The following UBXN4 variants were observed in gnomAD, a reference collection of about 807,000 sequenced individuals.
UBXN4 encodes the protein UBX domain-containing protein 4.
In UBXN4, 35 loss-of-function variants were observed where a neutral mutation model predicts 66.2. The ratio of observed to expected loss-of-function variants is 0.53; its 90% CI spans 0.40 to 0.70. UBXN4 has a LOEUF of 0.70. UBXN4 is among the 30% of genes least tolerant of loss of function. The pLI is 0.00. For missense variants in UBXN4, 533 were observed against 599.8 expected (o/e 0.89, Z 1.16); for synonymous variants, 203 against 204.5 (o/e 0.99, Z 0.06).
chr2:135,775,849 C>G (rs2077411508), intron 9 of UBXN4, among the ~76,000 whole-genome samples: 1 of 152,190 alleles, frequency 6.6e-6, no homozygotes, highest in Non-Finnish European at 1.5e-5. Flanking sequence ...TTACTGCAAC[C>G]TACACCTCCC....
At chr2:135,769,250 C>T (rs2077367585) in intron 6 of UBXN4, among the ~76,000 whole-genome samples, 1 of 152,168 alleles carries the variant, frequency 6.6e-6, no homozygotes, top group African/African-American at 2.4e-5. Flanking sequence ...AACCTCAGCC[C>T]TCCCAAAGTG....
At chr2:135,775,821 C>T (rs1313426766) in intron 9 of UBXN4, among the ~76,000 whole-genome samples, 6 of 152,168 alleles carry the variant, frequency 3.9e-5, no homozygotes, top group East Asian at 1.9e-4. Context: ...GGCTGGAGTG[C>T]GGTGGCATGA....
chr2:135,781,672 A>G (rs1488783493), intron 12 of UBXN4, among the ~76,000 whole-genome samples: 1 of 152,230 alleles, frequency 6.6e-6, no homozygotes, highest in Non-Finnish European at 1.5e-5. Context: ...GTGAGGACAG[A>G]GGGAAGCTCA....
intron 12 of UBXN4, among the ~76,000 whole-genome samples, chr2:135,781,518 C>G (rs2077448846): frequency 2.0e-5 from 3 of 152,122 alleles, no homozygotes; most frequent in Non-Finnish European, 4.4e-5. Flanking sequence ...TTTCTCTGCC[C>G]TCAGTATGGA....
chr2:135,783,929 G>T lies in UBXN4; in HGVS notation c.*1042G>T, dbSNP rs2077468746. Reference sequence around the variant, plus strand: ...GTTTGAAAACAGTTCCTCTGTTTTAGATTGGAAGATAGCACTCTAGAGTGG... The same window carrying T: ...GTTTGAAAACAGTTCCTCTGTTTTATATTGGAAGATAGCACTCTAGAGTGG... On this transcript the variant is annotated 3_prime_UTR_variant, in exon 13 of 13. Coordinates refer to ENST00000272638, the MANE Select transcript of UBXN4 (RefSeq NM_014607.4). The T allele has an allele frequency of 1.3e-5, 2 of 152,310 alleles. No homozygotes were observed. The highest frequency in any genetic ancestry group is 4.2e-4 in the South Asian group (2 of 4,818). 9.4% of individuals were successfully genotyped at this position (152,310 alleles called of 1,614,324 possible). A position where few individuals can be genotyped will look rare whatever the true frequency, so the allele number is the denominator to read the frequency against.
Position 135,769,757 on chromosome 2 carries a change from T to C in UBXN4, c.603-12T>C. On this transcript the variant is annotated splice_polypyrimidine_tract_variant and intron_variant, in intron 6 of 12. Coordinates refer to ENST00000272638, the MANE Select transcript of UBXN4 (RefSeq NM_014607.4). ...GTCTCAATTAGTGGTGGTTTTTTTT[T>C]TTTTAATACAGACTAACAAAAAAAC... 1.3e-6 allele frequency: 2 copies of C among 1,561,488 alleles called. No homozygotes were observed. The highest frequency in any genetic ancestry group is 1.7e-6 in the Non-Finnish European group (2 of 1,160,910).
chr2:135,763,780 C>G (rs1162877201), intron 6 of UBXN4, among the ~76,000 whole-genome samples: 1 of 151,932 alleles, frequency 6.6e-6, no homozygotes, highest in African/African-American at 2.4e-5. Flanking sequence ...GAGCCATGAT[C>G]ACACCACTGT....
intron 6 of UBXN4, among the ~76,000 whole-genome samples, chr2:135,763,121 A>C (rs973903447): frequency 6.6e-6 from 1 of 152,252 alleles, no homozygotes; most frequent in African/African-American, 2.4e-5. Context: ...ATGCCAAATT[A>C]GGAATCTTGT....
intron 8 of UBXN4, among the ~76,000 whole-genome samples, chr2:135,772,049 G>A (rs749768609): frequency 2.6e-5 from 4 of 151,748 alleles, no homozygotes; most frequent in Non-Finnish European, 5.9e-5. Context: ...CAAAGGCACA[G>A]TGGCTCACAA....
At position 135,754,161 on chromosome 2, in the gene UBXN4, C is replaced by T; in HGVS notation, c.217C>T (p.Pro73Ser). 1 of 1,609,090 alleles carries T rather than the reference C, an allele frequency of 6.2e-7. No individual in the cohort carries two copies. The highest frequency in any genetic ancestry group is 8.5e-7 in the Non-Finnish European group (1 of 1,175,572). ...TTAGACTTCATTAAACTGTACAGAT[C>T]CTGTAGTGTGTGTTCCATCCAGTTT... ...EACLQFSQIY[P>S]VVCVPSSFFI... The change falls in exon 4 of 13, where the codon CCT becomes TCT. Residue 73 changes from proline (P) to serine (S), a missense_variant and splice_region_variant. This residue lies in a region of UBXN4 where 529 missense variants were observed against 580.1 expected (regional missense o/e 0.91). Coordinates refer to ENST00000272638, the MANE Select transcript of UBXN4 (RefSeq NM_014607.4).
chr2:135,749,097 CT>C (rs2077227253), intron 2 of UBXN4, among the ~76,000 whole-genome samples: 1 of 151,906 alleles, frequency 6.6e-6, no homozygotes, highest in African/African-American at 2.4e-5. Flanking sequence ...ATATTAGGAA[CT>C]TAAATTCTGA....
chr2:135,746,123 G>A (rs1207982942), intron 1 of UBXN4, among the ~76,000 whole-genome samples: 4 of 151,862 alleles, frequency 2.6e-5, no homozygotes, highest in East Asian at 1.9e-4. Flanking sequence ...TGATCCGTCC[G>A]CCTAAGCCTC....
intron 1 of UBXN4, chr2:135,747,753 G>A (rs1308649053): frequency 2.2e-6 from 1 of 452,702 alleles, no homozygotes; most frequent in South Asian, 1.6e-5. Flanking sequence ...TCCTGCCTCA[G>A]CCTCCTATGT....
chr2:135,766,525 T>G (rs1039244769), intron 6 of UBXN4, among the ~76,000 whole-genome samples: 8 of 152,192 alleles, frequency 5.3e-5, no homozygotes, highest in African/African-American at 1.9e-4. Flanking sequence ...TCCAAGACAC[T>G]TCTTGTTTGC....
rs2077261992 is a variant in UBXN4 at position 135,753,790 on chromosome 2, A to G, written c.214+223A>G. 6 of 469,124 alleles carry G rather than the reference A, an allele frequency of 1.3e-5. No individual in the cohort carries two copies. The South Asian group carries it at 2.6e-4, about 20-fold the overall frequency. The allele number at this position is 469,124 out of a possible 1,614,324, so 29.1% of individuals were successfully genotyped here. A position where few individuals can be genotyped will look rare whatever the true frequency, so the allele number is the denominator to read the frequency against. On this transcript the variant is annotated intron_variant, in intron 3 of 12. Transcript: ENST00000272638. ...GGTGTAGTGCACCCCATACATTGAG[A>G]TAATATATTGCAGCTAAAGATAGGA...
At chr2:135,744,004 C>G (rs115201434) in intron 1 of UBXN4, among the ~76,000 whole-genome samples, 4 of 152,284 alleles carry the variant, frequency 2.6e-5, no homozygotes, top group Non-Finnish European at 5.9e-5. Flanking sequence ...TTGACCTGTT[C>G]CAAAATCCAG....
intron 5 of UBXN4, 137 bp downstream of exon 5, chr2:135,755,828 A>G (rs2077276347): frequency 2.0e-6 from 1 of 509,524 alleles, no homozygotes; most frequent in Non-Finnish European, 2.7e-6. Flanking sequence ...GAGTCATATT[A>G]AATACACATG....
At chr2:135,782,635 A>G (rs940586255) in intron 12 of UBXN4, 114 bp from the exon 13 acceptor site, 1 of 1,265,296 alleles carries the variant, frequency 7.9e-7, no homozygotes, top group Admixed American at 2.2e-5. Flanking sequence ...CTTACTTTAG[A>G]TGGCATTAAA....
Position 135,761,896 on chromosome 2 carries a change from A to G in UBXN4, c.587A>G (p.Asn196Ser), listed in dbSNP as rs1017091208. Residue 196 changes from asparagine (N) to serine (S), a missense_variant, in exon 6 of 13, where the codon AAC becomes AGC. Transcript: ENST00000272638. ...GATCAGAGACCTGCAGAGGACCTCA[A>G]CATCCGAGTGGAAAGGTTTGCTCTT... ...CSDQRPAEDL[N>S]IRVERLTKKL... 34 of 1,612,828 alleles carry G rather than the reference A, an allele frequency of 2.1e-5. No homozygotes were observed. Among genetic ancestry groups the G allele is most frequent in the Non-Finnish European group, 2.9e-5 (34 of 1,179,712 alleles).
Sources: allele counts gnomAD v4.1 joint callset (sites outside exome capture counted in the v4.1 genomes callset), GRCh38; gene constraint gnomAD v4.1.1; regional missense constraint gnomAD v4.1.1; transcripts MANE v1.5; gene names NCBI Gene and HGNC (gene_info 2026-07-23, HGNC 2026-07-21).